Variants in KCNH5 observed in about 807,000 individuals in gnomAD.
KCNH5 encodes potassium voltage-gated channel subfamily H member 5, also known as voltage-gated delayed rectifier potassium channel KCNH5.
KCNH5 carries 46 observed loss-of-function variants against 96.1 expected under a neutral mutation model. The ratio of observed to expected loss-of-function variants is 0.48; its 90% CI spans 0.38 to 0.61. KCNH5 has a LOEUF of 0.61. Among genes scored for constraint, KCNH5 ranks in the 20% least tolerant of loss-of-function variants. KCNH5 has a pLI of 0.00. For synonymous variants in KCNH5, 439 were observed against 449.8 expected (o/e 0.98, Z 0.30); for missense variants, 907 against 1,225.8 (o/e 0.74, Z 3.88).
chr14:62,947,457 G>A (rs1206260836), intron 7 of KCNH5, among the ~76,000 whole-genome samples: 2 of 152,094 alleles, frequency 1.3e-5, no homozygotes, highest in African/African-American at 4.8e-5. Context: ...CTAACTGCAA[G>A]CTCTAACCAG....
chr14:62,943,686 C>T (rs1226899550), intron 7 of KCNH5, among the ~76,000 whole-genome samples: 1 of 152,064 alleles, frequency 6.6e-6, no homozygotes, highest in Admixed American at 6.6e-5. Flanking sequence ...AGCAGAGTAG[C>T]TGGATTCATT....
chr14:62,875,430 C>A (rs543557281), intron 7 of KCNH5, among the ~76,000 whole-genome samples: 12 of 152,174 alleles, frequency 7.9e-5, no homozygotes, highest in Non-Finnish European at 1.8e-4. Context: ...CACTCTACCC[C>A]ACTTCAAACT....
intron 1 of KCNH5, among the ~76,000 whole-genome samples, chr14:63,031,211 G>C (rs1891619771): frequency 6.6e-6 from 1 of 151,870 alleles, no homozygotes; most frequent in South Asian, 2.1e-4. Context: ...CTATATTTCT[G>C]AACTGCTAAG....
intron 10 of KCNH5, among the ~76,000 whole-genome samples, chr14:62,719,612 G>C (rs1168578119): frequency 6.6e-6 from 1 of 152,218 alleles, no homozygotes; most frequent in East Asian, 1.9e-4. Context: ...TGGAAGTGAG[G>C]TACAGAATGG....
At chr14:62,820,226 G>T (rs1016969471) in intron 8 of KCNH5, among the ~76,000 whole-genome samples, 2 of 152,086 alleles carry the variant, frequency 1.3e-5, no homozygotes, top group Admixed American at 6.6e-5. Flanking sequence ...AAAGCAAAGT[G>T]AAACTAATCA....
intron 10 of KCNH5, among the ~76,000 whole-genome samples, chr14:62,725,371 G>A (rs1045778876): frequency 6.6e-6 from 1 of 152,188 alleles, no homozygotes; most frequent in African/African-American, 2.4e-5. Flanking sequence ...TGTAATTAGA[G>A]GTAGTCTCCT....
chr14:62,741,820 A>G (rs1285086542), intron 10 of KCNH5, among the ~76,000 whole-genome samples: 1 of 152,192 alleles, frequency 6.6e-6, no homozygotes, highest in Non-Finnish European at 1.5e-5. Context: ...CTCTGCAAAG[A>G]AAGAATAGCA....
intron 10 of KCNH5, among the ~76,000 whole-genome samples, chr14:62,712,897 G>C (rs762169615): frequency 1.3e-5 from 2 of 152,100 alleles, no homozygotes; most frequent in Non-Finnish European, 2.9e-5. Flanking sequence ...AGGACACCTT[G>C]TGTTTTTGTT....
chr14:62,996,131 A>G (rs17100615), intron 4 of KCNH5, among the ~76,000 whole-genome samples: 1 of 152,144 alleles, frequency 6.6e-6, no homozygotes, highest in Admixed American at 6.5e-5. Flanking sequence ...TTTAAAAAGT[A>G]GAAAGATAGG....
intron 7 of KCNH5, among the ~76,000 whole-genome samples, chr14:62,882,355 G>T (rs747003822): frequency 7.9e-5 from 12 of 152,140 alleles, no homozygotes; most frequent in Non-Finnish European, 1.5e-4. Flanking sequence ...AGGAAACTAA[G>T]AATTCTCTCT....
chr14:62,739,463 T>C (rs1885226756), intron 10 of KCNH5, among the ~76,000 whole-genome samples: 1 of 152,098 alleles, frequency 6.6e-6, no homozygotes, highest in Non-Finnish European at 1.5e-5. Flanking sequence ...TCTTTTTTTG[T>C]GTGTTAGAGT....
At chr14:63,034,081 G>A (rs10142265) in intron 1 of KCNH5, among the ~76,000 whole-genome samples, 9,198 of 152,030 alleles carry the variant, frequency 0.061, 294 homozygotes, top group East Asian at 0.07. Context: ...CACCAAACCC[G>A]GCTAATTTTT....
At chr14:63,003,484 T>A (rs1394318490) in intron 3 of KCNH5, among the ~76,000 whole-genome samples, 1 of 126,106 alleles carries the variant, frequency 7.9e-6, no homozygotes, top group African/African-American at 3.2e-5. Context: ...ATATATATTT[T>A]ATATATATTA....
At chr14:62,860,295 C>T (rs1224577175) in intron 7 of KCNH5, among the ~76,000 whole-genome samples, 1 of 152,206 alleles carries the variant, frequency 6.6e-6, no homozygotes, top group South Asian at 2.1e-4. Context: ...AACAGCATCC[C>T]TATCTACCAT....
At chr14:62,894,215 G>A (rs1361547634) in intron 7 of KCNH5, among the ~76,000 whole-genome samples, 1 of 152,166 alleles carries the variant, frequency 6.6e-6, no homozygotes, top group Non-Finnish European at 1.5e-5. Context: ...CTTCACTGAG[G>A]TGGCCTAGAA....
intron 10 of KCNH5, among the ~76,000 whole-genome samples, chr14:62,722,898 A>G (rs1884844902): frequency 6.6e-6 from 1 of 152,168 alleles, no homozygotes; most frequent in Non-Finnish European, 1.5e-5. Context: ...CCCGTTTCCT[A>G]CTGCCAACTC....
Position 62,723,409 on chromosome 14 carries a change from T to G in KCNH5, c.2020-14954A>C, listed in dbSNP as rs183897764. Among the ~76,000 whole-genome samples the G allele has an allele frequency of 1.7e-3, 255 of 152,350 alleles. 2 individuals carry two copies. The highest frequency in any genetic ancestry group is 6.0e-3 in the African/African-American group (250 of 41,578). ...ATGTATATGTAGAATAGATGATACA[T>G]TACAATTTCAATTTTTCACAGCTAA... is the stretch of plus-strand genomic sequence containing the variant. On this transcript the variant is annotated intron_variant, in intron 10 of 10. Coordinates refer to ENST00000322893, the MANE Select transcript of KCNH5 (RefSeq NM_139318.5).
chr14:62,923,020 G>C (rs549460006), intron 7 of KCNH5, among the ~76,000 whole-genome samples: 2 of 151,836 alleles, frequency 1.3e-5, no homozygotes, highest in Non-Finnish European at 3.0e-5. Context: ...CTTATATATA[G>C]AAAACCATAA....
chr14:62,706,127 T>C lies in KCNH5; in HGVS notation c.*1381A>G, dbSNP rs1566632755. The C allele has an allele frequency of 6.6e-6, 1 of 152,108 alleles. No homozygotes were observed. Among genetic ancestry groups the C allele is most frequent in the South Asian group, 2.1e-4 (1 of 4,830 alleles). 9.4% of individuals were successfully genotyped at this position (152,108 alleles called of 1,614,324 possible). A position where few individuals can be genotyped will look rare whatever the true frequency, so the allele number is the denominator to read the frequency against. On this transcript the variant is annotated 3_prime_UTR_variant, in exon 11 of 11. Transcript: ENST00000322893. ...GACTAGCTATATACAGGACAACTCT[T>C]TGTGACTTTTTTTAAAAACTTGATA...
Sources: allele counts gnomAD v4.1 joint callset (sites outside exome capture counted in the v4.1 genomes callset), GRCh38; gene constraint gnomAD v4.1.1; transcripts MANE v1.5; gene names NCBI Gene and HGNC (gene_info 2026-07-23, HGNC 2026-07-21).